The following MYO15B variants were observed in gnomAD, a reference collection of about 807,000 sequenced individuals.
MYO15B encodes myosin XVB.
In MYO15B, 207 loss-of-function variants were observed where a neutral mutation model predicts 119.3. The observed-to-expected ratio is 1.73, with a 90% CI of 1.55 to 1.95. MYO15B has a LOEUF of 1.95. Among genes scored for constraint, MYO15B ranks in the 30% most tolerant of loss-of-function variants. The probability of loss-of-function intolerance (pLI) is 0.00; values close to 1 mark genes in which losing one functional copy is unlikely to be tolerated. For missense variants in MYO15B, 2,264 were observed against 1,203.1 expected (o/e 1.88, Z -13.04); for synonymous variants, 966 against 498.9 (o/e 1.94, Z -12.48).
At chr17:75,618,301 TG>T in intron 43 of MYO15B, 116 bp downstream of exon 43, 1 of 660,752 alleles carries the variant, frequency 1.5e-6, no homozygotes, top group African/African-American at 1.8e-5. Flanking sequence ...CAGCCAGCAC[TG>T]GGGGGCACTT....
chr17:75,600,592 T>C (rs550687522), intron 14 of MYO15B: 1 of 132,018 alleles, frequency 7.6e-6, no homozygotes, highest in East Asian at 2.3e-4. Flanking sequence ...CTTTTCTTTT[T>C]TTTTTTTTTT....
chr17:75,605,600 C>T (rs1307625950), exon 20 of MYO15B: 4 of 702,866 alleles, frequency 5.7e-6, no homozygotes, highest in Non-Finnish European at 5.2e-6. Context: ...AATCACCTCT[C>T]TATCACCTTG....
chr17:75,594,465 C>A lies in MYO15B; in HGVS notation c.2992-10C>A, dbSNP rs2056715765. On this transcript the variant is annotated splice_polypyrimidine_tract_variant and intron_variant, in intron 9 of 63. Transcript: ENST00000645453. Reference sequence around the variant, plus strand: ...AGCAGAGATCTCCCTGTCCCTCCCTCTCTGTGTAGCGAGAGTCCCAGGAGG... The same window carrying A: ...AGCAGAGATCTCCCTGTCCCTCCCTATCTGTGTAGCGAGAGTCCCAGGAGG... The A allele has an allele frequency of 1.7e-6, 1 of 598,218 alleles. No individual in the cohort carries two copies. Among genetic ancestry groups the A allele is most frequent in the Non-Finnish European group, 3.0e-6 (1 of 334,112 alleles). 37.1% of individuals were successfully genotyped at this position (598,218 alleles called of 1,614,324 possible). A position where few individuals can be genotyped will look rare whatever the true frequency, so the allele number is the denominator to read the frequency against.
rs917643837 is a variant in MYO15B at position 75,625,638 on chromosome 17, G to T, written c.8916G>T (p.Gln2972His). The change falls in exon 61 of 64, where the codon CAG (glutamine) becomes CAT (histidine). Residue 2972 changes from glutamine to histidine, a missense_variant. Physicochemically the swap from Gln to His is conservative, Grantham distance 24 (BLOSUM62 0). Coordinates refer to ENST00000645453, the Ensembl canonical transcript of MYO15B. ...GACGGCTGGAAGGACACAGCCCCCA[G>T]GAAGCACAGATCAGCTTCATTGGTG... 4 of 702,938 alleles carry T rather than the reference G, an allele frequency of 5.7e-6. 1 individual carries two copies. The African/African-American group carries it at 7.0e-5, about 12-fold the overall frequency. 43.5% of individuals were successfully genotyped at this position (702,938 alleles called of 1,614,324 possible).
At chr17:75,596,888 T>G (rs2056897270) in exon 14 of MYO15B, 1 of 701,516 alleles carries the variant, frequency 1.4e-6, no homozygotes, top group South Asian at 1.5e-5. Flanking sequence ...CGCCCAGACA[T>G]GGCTGTCCCA....
At position 75,603,472 on chromosome 17, in the gene MYO15B, C is replaced by CTCTCTT. The variant is rs576589224; in HGVS notation, c.4016+166_4016+171dup. Among the ~76,000 whole-genome samples the CTCTCTT allele has an allele frequency of 3.0e-3, 450 of 152,344 alleles. 3 individuals carry two copies. Among genetic ancestry groups the CTCTCTT allele is most frequent in the African/African-American group, 9.2e-3 (381 of 41,576 alleles). On this transcript the variant is annotated intron_variant, in intron 19 of 63. Transcript: ENST00000645453. ...CCTCGTCCTCTCATCCTCTCTCTCT[C>CTCTCTT]TCTCTTTCTCTCTCCATCTCACTCT...
At chr17:75,624,212 A>G (rs1421120917) in exon 56 of MYO15B, 3 of 702,798 alleles carry the variant, frequency 4.3e-6, no homozygotes, top group Non-Finnish European at 7.8e-6. Flanking sequence ...TCCAGCGCAC[A>G]GTCAAATATG....
chr17:75,623,066 TCCCGCC>T (rs2058801498), intron 53 of MYO15B, among the ~76,000 whole-genome samples: 1 of 152,046 alleles, frequency 6.6e-6, no homozygotes, highest in South Asian at 2.1e-4. Context: ...GCGCGGCGGC[TCCCGCC>T]TGTAACCCCA....
Position 75,620,032 on chromosome 17 carries a change from G to A in MYO15B, c.7443+12G>A. ...ATGAGCTTAAGAAGGTAAGTGTGGG[G>A]CACGGGTTGAGAGGCCGGGCAGACA... is the stretch of plus-strand genomic sequence containing the variant. On this transcript the variant is annotated intron_variant, in intron 47 of 63. Transcript: ENST00000645453. 1.4e-6 allele frequency: 1 copy of A among 696,450 alleles called. No individual in the cohort carries two copies. Among genetic ancestry groups the A allele is most frequent in the Admixed American group, 2.0e-5 (1 of 49,572 alleles). The allele number at this position is 696,450 out of a possible 1,614,324, so 43.1% of individuals were successfully genotyped here.
At chr17:75,602,055 G>A (rs936815578) in intron 15 of MYO15B, among the ~76,000 whole-genome samples, 1 of 152,076 alleles carries the variant, frequency 6.6e-6, no homozygotes, top group Non-Finnish European at 1.5e-5. Context: ...AACTGGGGGT[G>A]GGGGAGCGGG....
intron 25 of MYO15B, 82 bp downstream of exon 25, chr17:75,612,098 C>T (rs1028192315): frequency 4.5e-6 from 3 of 670,056 alleles, no homozygotes; most frequent in Admixed American, 4.2e-5. Flanking sequence ...CGTTTTTTTC[C>T]CCGCTGTCAG....
At chr17:75,610,238 C>T (rs1437518206) in exon 22 of MYO15B, 3 of 700,660 alleles carry the variant, frequency 4.3e-6, no homozygotes, top group Admixed American at 2.0e-5. Context: ...AGCCCCTGCT[C>T]CAGAGGCGGC....
exon 49 of MYO15B, chr17:75,620,482 C>G (rs111583774): frequency 1.9e-5 from 13 of 702,634 alleles, no homozygotes; most frequent in Middle Eastern, 2.3e-4. Flanking sequence ...CAGTTTGGCT[C>G]TGCCGGGGGC....
Position 75,589,769 on chromosome 17 carries a change from C to T in MYO15B, c.1712C>T (p.Thr571Met). The change falls in exon 1 of 64, where the codon ACG becomes ATG. Residue 571 changes from threonine (T) to methionine (M), a missense_variant. Transcript: ENST00000645453. The surrounding 1 kb of genome is among the most constrained non-coding windows in gnomAD (Gnocchi z 4.2). ...GAAGAAGCGTCCGCAGATGCCCCCA[C>T]GGGGGAAGGCCGAGGTTGGCCTCGT... is the stretch of plus-strand genomic sequence containing the variant. 2.5e-6 allele frequency: 1 copy of T among 393,886 alleles called. No homozygotes were observed. Among genetic ancestry groups the T allele is most frequent in the Non-Finnish European group, 4.5e-6 (1 of 224,010 alleles). 24.4% of individuals were successfully genotyped at this position (393,886 alleles called of 1,614,324 possible). A position where few individuals can be genotyped will look rare whatever the true frequency, so the allele number is the denominator to read the frequency against.
rs573067993 is a variant in MYO15B at position 75,601,377 on chromosome 17, G to T, written c.3526-61G>T. On this transcript the variant is annotated intron_variant, in intron 14 of 63. Coordinates refer to ENST00000645453, the Ensembl canonical transcript of MYO15B. ...CAGTACTCGTGCTCACCGGGAGAGG[G>T]CGCCATCCAGAAGGACAGCCTGTGC... 5 of 691,820 alleles carry T rather than the reference G, an allele frequency of 7.2e-6. No homozygotes were observed. The East Asian group carries it at 1.3e-4, about 19-fold the overall frequency. The allele number at this position is 691,820 out of a possible 1,614,324, so 42.9% of individuals were successfully genotyped here.
chr17:75,592,992 T>C (rs1349958887), intron 9 of MYO15B, 152 bp downstream of exon 9: 6 of 578,938 alleles, frequency 1.0e-5, no homozygotes, highest in Non-Finnish European at 1.8e-5. Context: ...ATGAGAAAGC[T>C]GAGACATAGA....
intron 14 of MYO15B, chr17:75,600,591 T>C (rs1329043616): frequency 1.5e-5 from 2 of 129,934 alleles, no homozygotes; most frequent in East Asian, 4.6e-4. Context: ...TCTTTTCTTT[T>C]TTTTTTTTTT....
At chr17:75,615,029 G>A (rs1380369976) in exon 33 of MYO15B, 2 of 702,804 alleles carry the variant, frequency 2.8e-6, no homozygotes, top group Non-Finnish European at 5.2e-6. Flanking sequence ...CCACACAGCA[G>A]GGCTACCCCA....
At chr17:75,621,457 C>T (rs2058706263) in intron 51 of MYO15B, 44 bp from the exon 52 acceptor site, 2 of 699,086 alleles carry the variant, frequency 2.9e-6, no homozygotes, top group Non-Finnish European at 5.2e-6. Flanking sequence ...GCCCTCTGAC[C>T]CCCACGGCCC....
Sources: gnomAD v4.1 joint callset for allele counts (sites outside exome capture counted in the v4.1 genomes callset) on GRCh38, gnomAD v4.1.1 for gene constraint, Gnocchi (gnomAD v3.1) non-coding constraint, MANE v1.5 for transcripts, NCBI Gene and HGNC (gene_info 2026-07-23, HGNC 2026-07-21) for gene names.